UGT1A8: variants seen among roughly 807,000 people sequenced by gnomAD.
UGT1A8 encodes the protein UDP glucuronosyltransferase family 1 member A8.
Under a neutral mutation model 45.3 loss-of-function variants are expected in UGT1A8, and 39 were observed. That is an observed-to-expected ratio of 0.86 (90% CI 0.67 to 1.12). UGT1A8 has a LOEUF of 1.12. Ranked by LOEUF, UGT1A8 falls within the 50% of genes most tolerant of loss-of-function variation. UGT1A8 has a pLI of 0.00. For synonymous variants in UGT1A8, 275 were observed against 249.2 expected (o/e 1.10, Z -0.97); for missense variants, 719 against 664.9 (o/e 1.08, Z -0.90).
Position 233,719,236 on chromosome 2 carries a change from G to C in UGT1A8, c.856-47798G>C, listed in dbSNP as rs766129715. The C allele has an allele frequency of 2.5e-5, 41 of 1,614,064 alleles. 1 individual carries two copies. The South Asian group carries it at 4.4e-4, about 17-fold the overall frequency. On this transcript the variant is annotated intron_variant, in intron 1 of 4. Transcript: ENST00000373450. ...CTACTGCATAATGAGGCCCTGATCA[G>C]GCACCTGAATGCTACTTCCTTTGAT...
At chr2:233,711,149 C>T (rs562452811) in intron 1 of UGT1A8, among the ~76,000 whole-genome samples, 72 of 152,204 alleles carry the variant, frequency 4.7e-4, no homozygotes, top group Non-Finnish European at 8.1e-4. Flanking sequence ...TTGGGCTGCT[C>T]CTCCTATTTC....
rs558109660 is a variant in UGT1A8, at chr2:233,768,353, TA to T, written c.1211del (p.Lys404ArgfsTer5). The T allele has an allele frequency of 4.0e-5, 64 of 1,614,032 alleles. No individual in the cohort carries two copies. Among genetic ancestry groups the T allele is most frequent in the Non-Finnish European group, 5.4e-5 (64 of 1,180,040 alleles). ...TGGACAATGCAAAGCGCATGGAGAC[TA>T]AGGGAGCTGGAGTGACCCTGAATGT... ...QMDNAKRMET[K>X]GAGVTLNVLE... is the part of the protein sequence containing the mutation. On this transcript the variant is annotated frameshift_variant, in exon 4 of 5. Coordinates refer to ENST00000373450, the MANE Select transcript of UGT1A8 (RefSeq NM_019076.5). LOFTEE classifies it high-confidence loss of function.
intron 1 of UGT1A8, among the ~76,000 whole-genome samples, chr2:233,744,939 T>C (rs1164592780): frequency 6.6e-6 from 1 of 151,916 alleles, no homozygotes; most frequent in Non-Finnish European, 1.5e-5. Context: ...AATGACACAG[T>C]ATTTGTATAT....
At chr2:233,640,377 C>A (rs1427433859) in intron 1 of UGT1A8, among the ~76,000 whole-genome samples, 1 of 152,020 alleles carries the variant, frequency 6.6e-6, no homozygotes, top group African/African-American at 2.4e-5. Context: ...GTCATTCCAT[C>A]ATTGAATATT....
chr2:233,755,024 G>A (rs533329516), intron 1 of UGT1A8: 16 of 1,306,402 alleles, frequency 1.2e-5, no homozygotes, highest in Non-Finnish European at 1.7e-5. Flanking sequence ...GGTCCTTGAA[G>A]GGCCTGCCGC....
chr2:233,634,003 G>A (rs1358289675), intron 1 of UGT1A8, among the ~76,000 whole-genome samples: 1 of 152,116 alleles, frequency 6.6e-6, no homozygotes, highest in African/African-American at 2.4e-5. Flanking sequence ...ATTCTGGTAG[G>A]TTGTGTCTTT....
rs34757826 is a variant in UGT1A8, at chr2:233,757,460, G to C, written c.856-9574G>C. 9.5e-3 allele frequency among the ~76,000 whole-genome samples: 1,419 copies of C among 149,430 alleles called. 20 individuals carry two copies. The highest frequency in any genetic ancestry group is 0.033 in the African/African-American group (1,351 of 40,382). On this transcript the variant is annotated intron_variant, in intron 1 of 4. Coordinates refer to ENST00000373450, the MANE Select transcript of UGT1A8 (RefSeq NM_019076.5). ...TTCTATACAGAAACATGTCCAGAGC[G>C]CTTACTGTCTCCAAAACCATGGACT... is the stretch of plus-strand genomic sequence containing the variant.
intron 1 of UGT1A8, among the ~76,000 whole-genome samples, chr2:233,705,428 A>C (rs2075847484): frequency 6.6e-6 from 1 of 152,220 alleles, no homozygotes; most frequent in Non-Finnish European, 1.5e-5. Flanking sequence ...GTGGCTCATA[A>C]CTTATCCTTC....
At chr2:233,701,809 A>T (rs552807305) in intron 1 of UGT1A8, among the ~76,000 whole-genome samples, 1 of 152,348 alleles carries the variant, frequency 6.6e-6, no homozygotes, top group South Asian at 2.1e-4. Flanking sequence ...GAACAAAGAC[A>T]CAACATACCA....
intron 1 of UGT1A8, among the ~76,000 whole-genome samples, chr2:233,642,580 C>T (rs1559321414): frequency 6.6e-6 from 1 of 152,206 alleles, no homozygotes; most frequent in Non-Finnish European, 1.5e-5. Flanking sequence ...TGCTAGCAGA[C>T]ATTCTTCAGT....
At chr2:233,736,140 G>A (rs1255229589) in intron 1 of UGT1A8, among the ~76,000 whole-genome samples, 1 of 152,150 alleles carries the variant, frequency 6.6e-6, no homozygotes, top group Non-Finnish European at 1.5e-5. Flanking sequence ...ATCACTTTCA[G>A]GTACACCAGT....
At chr2:233,693,101 C>A (rs1056441481) in intron 1 of UGT1A8, 1 of 1,614,084 alleles carries the variant, frequency 6.2e-7, no homozygotes, top group Non-Finnish European at 8.5e-7. Context: ...GCTGGTGGTC[C>A]CTCAGGACGG....
intron 1 of UGT1A8, among the ~76,000 whole-genome samples, chr2:233,684,564 A>G (rs758881146): frequency 1.3e-5 from 2 of 152,244 alleles, no homozygotes; most frequent in Non-Finnish European, 2.9e-5. Flanking sequence ...AGAGAGATCT[A>G]TAAAATATGA....
At chr2:233,672,258 A>C (rs759267504) in intron 1 of UGT1A8, 1 of 1,614,198 alleles carries the variant, frequency 6.2e-7, no homozygotes. Flanking sequence ...TATATTCTCT[A>C]TTAATGGGTT....
chr2:233,663,389 A>G (rs2074013277), intron 1 of UGT1A8, among the ~76,000 whole-genome samples: 1 of 152,072 alleles, frequency 6.6e-6, no homozygotes, highest in Non-Finnish European at 1.5e-5. Context: ...TTGGTCAGGG[A>G]TGAAATCTTA....
intron 1 of UGT1A8, chr2:233,691,365 G>A (rs2075039933): frequency 1.0e-6 from 1 of 985,548 alleles, no homozygotes; most frequent in African/African-American, 1.7e-5. Flanking sequence ...CAATGAATTT[G>A]CATCCTGGTT....
At chr2:233,633,001 G>A (rs116839258) in intron 1 of UGT1A8, among the ~76,000 whole-genome samples, 2,421 of 152,216 alleles carry the variant, frequency 0.016, 58 homozygotes, top group African/African-American at 0.055. Flanking sequence ...TTTGAGATAC[G>A]TTCCATCAAT....
At chr2:233,765,400 T>G (rs1698825297) in intron 1 of UGT1A8, among the ~76,000 whole-genome samples, 1 of 152,170 alleles carries the variant, frequency 6.6e-6, no homozygotes, top group Admixed American at 6.5e-5. Context: ...ATGTGGTACA[T>G]ATACACCATG....
chr2:233,716,223 G>A (rs907028854), intron 1 of UGT1A8, among the ~76,000 whole-genome samples: 4 of 152,088 alleles, frequency 2.6e-5, no homozygotes, highest in African/African-American at 9.7e-5. Flanking sequence ...AAGAGCCCTT[G>A]TGATTACATT....
Sources: gnomAD v4.1 joint callset for allele counts (sites outside exome capture counted in the v4.1 genomes callset) on GRCh38, gnomAD v4.1.1 for gene constraint, MANE v1.5 for transcripts, NCBI Gene and HGNC (gene_info 2026-07-23, HGNC 2026-07-21) for gene names.